Variants in EP300 observed in about 807,000 individuals in gnomAD.
The protein encoded by EP300 is EP300 lysine acetyltransferase.
A neutral mutation model predicts 264.0 loss-of-function variants in EP300; 31 were observed. The ratio of observed to expected loss-of-function variants is 0.12; its 90% CI spans 0.09 to 0.16. The LOEUF is 0.16. Among genes scored for constraint, EP300 ranks in the 10% least tolerant of loss-of-function variants. The probability of loss-of-function intolerance (pLI) is 1.00; values close to 1 mark genes in which losing one functional copy is unlikely to be tolerated. For synonymous variants in EP300, 1,340 were observed against 1,045.4 expected (o/e 1.28, Z -5.44); for missense variants, 2,766 against 3,052.9 (o/e 0.91, Z 2.21).
rs2059035606 is a variant in EP300 at position 41,150,149 on chromosome 22, C to G, written c.2768C>G (p.Ser923Cys). 1 of 1,612,066 alleles carries G rather than the reference C, an allele frequency of 6.2e-7. No homozygotes were observed. Among genetic ancestry groups the G allele is most frequent in the South Asian group, 1.1e-5 (1 of 91,066 alleles). Residue 923 changes from serine to cysteine, a missense_variant, in exon 14 of 31, where the codon TCT (serine) becomes TGT (cysteine). Transcript: ENST00000263253. ...CGCTCACAGCAGAGCACAGCAGCGTCTGTTCCTACCCCAACAGCACCGCTG... is the reference window on the plus strand; with the variant it reads ...CGCTCACAGCAGAGCACAGCAGCGTGTGTTCCTACCCCAACAGCACCGCTG... ...QPRSQQSTAA[S>C]VPTPTAPLLP...
chr22:41,160,428 AAAC>A (rs2059101547), intron 19 of EP300: 2 of 521,252 alleles, frequency 3.8e-6, no homozygotes, highest in Admixed American at 3.4e-5. Context: ...GCAAAAAAAA[AAAC>A]AAAAAAAAAC....
rs1013716287 is a variant in EP300, at chr22:41,178,199, C to T, written c.6488C>T (p.Pro2163Leu). The change falls in exon 31 of 31, where the codon CCC becomes CTC. Residue 2163 changes from proline to leucine, a missense_variant. Transcript: ENST00000263253. ...QLQPPMGGMS[P>L]QAQQMNMNHN... ...CAGCCACCCATGGGAGGGATGAGCC[C>T]CCAGGCTCAGCAGATGAACATGAAC... is the stretch of plus-strand genomic sequence containing the variant. The T allele has an allele frequency of 3.7e-6, 6 of 1,614,022 alleles. No individual in the cohort carries two copies. The highest frequency in any genetic ancestry group is 2.2e-5 in the East Asian group (1 of 44,882).
intron 1 of EP300, among the ~76,000 whole-genome samples, chr22:41,098,823 A>G (rs2058715995): frequency 6.6e-6 from 1 of 152,134 alleles, no homozygotes; most frequent in South Asian, 2.1e-4. Context: ...CAAATACTTA[A>G]CCTGGCTCAA....
At chr22:41,133,166 C>G (rs1488684776) in intron 6 of EP300, among the ~76,000 whole-genome samples, 1 of 136,886 alleles carries the variant, frequency 7.3e-6, no homozygotes, top group Admixed American at 7.2e-5. Flanking sequence ...CCCCCCCACC[C>G]CCACCCCGGA....
intron 2 of EP300, among the ~76,000 whole-genome samples, chr22:41,123,146 G>A (rs991816839): frequency 2.0e-5 from 3 of 152,120 alleles, no homozygotes; most frequent in Admixed American, 1.3e-4. Context: ...AGAATCTGCA[G>A]GTGTTTCTTA....
chr22:41,152,715 A>G (rs1275906751), intron 16 of EP300, among the ~76,000 whole-genome samples: 4 of 151,898 alleles, frequency 2.6e-5, no homozygotes, highest in Non-Finnish European at 4.4e-5. Flanking sequence ...CTGTGTGCTA[A>G]GTATCCACAT....
intron 18 of EP300, 82 bp from the exon 19 acceptor site, chr22:41,158,330 T>C (rs971343168): frequency 1.9e-6 from 2 of 1,066,408 alleles, no homozygotes; most frequent in Non-Finnish European, 2.9e-6. Context: ...CACCACTGAC[T>C]TCTGTTTCTG....
chr22:41,162,889 C>G (rs994313896), intron 21 of EP300, 110 bp downstream of exon 21: 2 of 889,784 alleles, frequency 2.2e-6, no homozygotes, highest in African/African-American at 3.3e-5. Context: ...TGGGCTAAAT[C>G]TACATAACAT....
chr22:41,095,809 A>AAT (rs1404029959), intron 1 of EP300, among the ~76,000 whole-genome samples: 1 of 152,180 alleles, frequency 6.6e-6, no homozygotes, highest in Non-Finnish European at 1.5e-5. Context: ...TCGTGATGTA[A>AAT]ATATATCCAC....
Position 41,179,179 on chromosome 22 carries a change from C to T in EP300, c.*223C>T. Reference sequence around the variant, plus strand: ...TATTTTTGTTATGGCTGGTTACCACCAGCCTTTCTTCCCCTTTGTGTGTGT... The same window carrying T: ...TATTTTTGTTATGGCTGGTTACCACTAGCCTTTCTTCCCCTTTGTGTGTGT... On this transcript the variant is annotated 3_prime_UTR_variant, in exon 31 of 31. Transcript: ENST00000263253. 1.7e-6 allele frequency: 1 copy of T among 587,662 alleles called. No individual in the cohort carries two copies. The allele number at this position is 587,662 out of a possible 1,614,324, so 36.4% of individuals were successfully genotyped here.
chr22:41,166,753 A>C, intron 23 of EP300, 87 bp downstream of exon 23: 1 of 823,386 alleles, frequency 1.2e-6, no homozygotes, highest in Admixed American at 2.2e-5. Context: ...CTTTGTTTTT[A>C]ATCACAGTAA....
chr22:41,107,992 C>G (rs2058767229), intron 1 of EP300: 1 of 152,118 alleles, frequency 6.6e-6, no homozygotes, highest in African/African-American at 2.4e-5. Context: ...CGTGAGCCAC[C>G]ACGCCCGGCC....
intron 6 of EP300, among the ~76,000 whole-genome samples, chr22:41,132,712 AAT>A (rs1449854414): frequency 1.3e-5 from 2 of 152,170 alleles, no homozygotes; most frequent in East Asian, 3.8e-4. Flanking sequence ...TGTAGTTGGT[AAT>A]GATTTCCTCA....
chr22:41,115,708 G>C (rs1367819073), intron 1 of EP300, among the ~76,000 whole-genome samples: 1 of 152,160 alleles, frequency 6.6e-6, no homozygotes, highest in East Asian at 1.9e-4. Flanking sequence ...TACCAGGGCT[G>C]GTCTTGCACC....
chr22:41,166,278 C>T (rs1332019005), intron 22 of EP300, among the ~76,000 whole-genome samples: 1 of 152,210 alleles, frequency 6.6e-6, no homozygotes, highest in Non-Finnish European at 1.5e-5. Context: ...CAACTAGTAG[C>T]ATATAGGAAA....
chr22:41,158,255 T>G (rs1399608089), intron 18 of EP300, among the ~76,000 whole-genome samples, 157 bp from the exon 19 acceptor site: 1 of 152,220 alleles, frequency 6.6e-6, no homozygotes, highest in African/African-American at 2.4e-5. Context: ...AATGTGGTAG[T>G]AAACTGAGAA....
At position 41,110,282 on chromosome 22, in the gene EP300, A is replaced by ATTTTTTTTTTTTTT. The variant is rs71200660; in HGVS notation, c.95-6880_95-6867dup. 4.1e-5 allele frequency among the ~76,000 whole-genome samples: 2 copies of ATTTTTTTTTTTTTT among 48,222 alleles called. 1 individual carries two copies. The highest frequency in any genetic ancestry group is 1.7e-4 in the African/African-American group (2 of 12,064). 31.6% of individuals were successfully genotyped at this position (48,222 alleles called of 152,430 possible). The stretch of plus-strand genomic sequence containing the variant: ...AGGTGCATGCCAGCATATCCAGCTA[A>ATTTTTTTTTTTTTT]TTTTTTTTTTTTTTTTTTTTTTTTT... On this transcript the variant is annotated intron_variant, in intron 1 of 30. Transcript: ENST00000263253.
Position 41,157,284 on chromosome 22 carries a change from A to G in EP300, c.3377A>G (p.Asn1126Ser), listed in dbSNP as rs777847755. 114 of 1,614,174 alleles carry G rather than the reference A, an allele frequency of 7.1e-5. No individual in the cohort carries two copies. Among genetic ancestry groups the G allele is most frequent in the Admixed American group, 3.2e-4 (19 of 60,014 alleles). The change falls in exon 18 of 31, where the codon AAT becomes AGT. Residue 1126 changes from asparagine to serine, a missense_variant. Transcript: ENST00000263253. ...GTCGATGATATTTGGCTTATGTTCA[A>G]TAATGCCTGGTTATATAACCGGAAA... ...QYVDDIWLMF[N>S]NAWLYNRKTS...
In EP300 at chr22:41,176,802, C is replaced by T. The variant is rs781069665; in HGVS notation, c.5091C>T (p.Asn1697=). ...ATGACTTGTGTATCACCTGCTATAA[C>T]ACTAAAAACCATGACCACAAAATGG... ...EDYDLCITCY[N]TKNHDHKMEK... is the part of the protein sequence containing the mutation. Residue 1697 remains asparagine, a synonymous_variant, in exon 31 of 31, where the codon AAC becomes AAT. Transcript: ENST00000263253. The T allele has an allele frequency of 6.2e-6, 10 of 1,614,020 alleles. No homozygotes were observed. The African/African-American group carries it at 1.3e-4, about 22-fold the overall frequency.
Sources: gnomAD v4.1 joint callset for allele counts (sites outside exome capture counted in the v4.1 genomes callset) on GRCh38, gnomAD v4.1.1 for gene constraint, MANE v1.5 for transcripts, NCBI Gene and HGNC (gene_info 2026-07-23, HGNC 2026-07-21) for gene names.